Variants in RNLS observed in about 807,000 individuals in gnomAD.
RNLS encodes renalase, FAD dependent amine oxidase, also known as renalase.
RNLS carries 39 observed loss-of-function variants against 39.8 expected under a neutral mutation model. That is an observed-to-expected ratio of 0.98 (90% CI 0.76 to 1.28). The LOEUF (loss-of-function observed/expected upper bound fraction) is 1.28. RNLS is among the 50% of genes most tolerant of loss of function. The probability of loss-of-function intolerance (pLI) is 0.00; values close to 1 mark genes in which losing one functional copy is unlikely to be tolerated. For missense variants in RNLS, 410 were observed against 413.3 expected (o/e 0.99, Z 0.07); for synonymous variants, 147 against 150.7 (o/e 0.98, Z 0.18).
chr10:88,546,774 A>G (rs1413762191), intron 4 of RNLS, among the ~76,000 whole-genome samples: 1 of 152,216 alleles, frequency 6.6e-6, no homozygotes, highest in Non-Finnish European at 1.5e-5. Flanking sequence ...AATCTTTGCC[A>G]ACTAGCCATA....
At chr10:88,521,434 T>C (rs1031544326) in intron 4 of RNLS, among the ~76,000 whole-genome samples, 1 of 152,038 alleles carries the variant, frequency 6.6e-6, no homozygotes, top group African/African-American at 2.4e-5. Flanking sequence ...ACTGCAGGTT[T>C]TAGATCAGGG....
chr10:88,572,527 G>T (rs1408298935), intron 4 of RNLS, among the ~76,000 whole-genome samples: 1 of 152,112 alleles, frequency 6.6e-6, no homozygotes, highest in African/African-American at 2.4e-5. Context: ...CAATTAGAGA[G>T]CAACCCAGAG....
At chr10:88,548,290 AAAAG>A (rs1319825266) in intron 4 of RNLS, among the ~76,000 whole-genome samples, 12 of 127,826 alleles carry the variant, frequency 9.4e-5, no homozygotes, top group Non-Finnish European at 1.8e-4. Context: ...AAAAAAAAAA[AAAAG>A]AAAAGAAAAA....
At chr10:88,302,604 G>A (rs1342253700) in intron 6 of RNLS, among the ~76,000 whole-genome samples, 1 of 152,148 alleles carries the variant, frequency 6.6e-6, no homozygotes, top group Admixed American at 6.5e-5. Context: ...ACAAATGACT[G>A]TGGTTTTAAA....
Position 88,285,522 on chromosome 10 carries a change from G to T in RNLS, c.877-16C>A, listed in dbSNP as rs768804848. Reference sequence around the variant, plus strand: ...CATTTGTAACCTGAAAAAGTAAAAAGAGGATTGCAATTGACATTCTGTGCT... The same window carrying T: ...CATTTGTAACCTGAAAAAGTAAAAATAGGATTGCAATTGACATTCTGTGCT... On this transcript the variant is annotated splice_polypyrimidine_tract_variant and intron_variant, in intron 6 of 6. Coordinates refer to ENST00000331772, the MANE Select transcript of RNLS (RefSeq NM_001031709.3). The T allele has an allele frequency of 1.2e-6, 2 of 1,609,954 alleles. No individual in the cohort carries two copies. Among genetic ancestry groups the T allele is most frequent in the Non-Finnish European group, 1.7e-6 (2 of 1,176,794 alleles).
intron 4 of RNLS, among the ~76,000 whole-genome samples, chr10:88,448,376 G>A (rs1842168273): frequency 6.6e-6 from 1 of 152,174 alleles, no homozygotes; most frequent in Non-Finnish European, 1.5e-5. Flanking sequence ...AGACATTTAT[G>A]CAGCCAACAG....
rs115300440 is a variant in RNLS, at chr10:88,309,643, G to A, written c.876+4823C>T. On this transcript the variant is annotated intron_variant, in intron 6 of 6. Coordinates refer to ENST00000331772, the MANE Select transcript of RNLS (RefSeq NM_001031709.3). ...AAAGGGCAAAGACTTCCTTGTTTAA[G>A]AGGTGGGAGGGGAATAAAAGGATAG... Among the ~76,000 whole-genome samples, 343 of 152,316 alleles carry A rather than the reference G, an allele frequency of 2.3e-3. 4 individuals are homozygous for A. The highest frequency in any genetic ancestry group is 0.01 in the Middle Eastern group (3 of 294).
intron 4 of RNLS, among the ~76,000 whole-genome samples, chr10:88,504,452 A>G (rs1436109372): frequency 6.6e-6 from 1 of 152,136 alleles, no homozygotes; most frequent in Non-Finnish European, 1.5e-5. Flanking sequence ...ACTTTTATCA[A>G]AAATAAGCAC....
At chr10:88,368,071 T>A (rs778033823) in intron 4 of RNLS, among the ~76,000 whole-genome samples, 5 of 151,986 alleles carry the variant, frequency 3.3e-5, no homozygotes, top group Non-Finnish European at 5.9e-5. Context: ...GCCAATAGCC[T>A]ACTTCAAGAT....
At chr10:88,531,224 T>G (rs182889415) in intron 4 of RNLS, among the ~76,000 whole-genome samples, 7 of 152,072 alleles carry the variant, frequency 4.6e-5, no homozygotes, top group Admixed American at 2.0e-4. Flanking sequence ...GAGGTCAGCC[T>G]TGCTTTATCA....
At chr10:88,535,205 T>A (rs947437273) in intron 4 of RNLS, among the ~76,000 whole-genome samples, 2 of 152,124 alleles carry the variant, frequency 1.3e-5, no homozygotes, top group African/African-American at 4.8e-5. Context: ...GTAAGTATTG[T>A]TATTTTCCCA....
chr10:88,422,737 T>C (rs754988983), intron 4 of RNLS, among the ~76,000 whole-genome samples: 2 of 151,824 alleles, frequency 1.3e-5, no homozygotes, highest in Non-Finnish European at 2.9e-5. Context: ...TATATAGTTA[T>C]TGCCATTTTT....
At chr10:88,507,110 T>C (rs1845837776) in intron 4 of RNLS, among the ~76,000 whole-genome samples, 1 of 152,172 alleles carries the variant, frequency 6.6e-6, no homozygotes, top group East Asian at 1.9e-4. Flanking sequence ...GTTAAATTAC[T>C]GCTATGAAAA....
chr10:88,302,279 A>G (rs749445707), intron 6 of RNLS, among the ~76,000 whole-genome samples: 3 of 152,244 alleles, frequency 2.0e-5, no homozygotes, highest in Non-Finnish European at 2.9e-5. Flanking sequence ...AGGAATAGTG[A>G]CAGAATAACC....
At chr10:88,295,777 C>T (rs868466370) in intron 6 of RNLS, among the ~76,000 whole-genome samples, 35 of 152,196 alleles carry the variant, frequency 2.3e-4, no homozygotes, top group African/African-American at 6.5e-4. Flanking sequence ...CTTTAGTGGG[C>T]TCAAACTGCA....
At chr10:88,327,843 T>C (rs541766584) in intron 5 of RNLS, among the ~76,000 whole-genome samples, 29 of 152,302 alleles carry the variant, frequency 1.9e-4, no homozygotes, top group African/African-American at 7.0e-4. Flanking sequence ...GCTCAGGCAA[T>C]CTGCCCGCCT....
At chr10:88,172,880 G>T in the RNLS span, among the ~76,000 whole-genome samples, 2 of 17,044 alleles carry the variant, frequency 1.2e-4, no homozygotes, top group Non-Finnish European at 1.5e-4. Flanking sequence ...TTTTTTAGAT[G>T]GAGTCTCGCT....
intron 4 of RNLS, among the ~76,000 whole-genome samples, chr10:88,473,828 T>A (rs1178714836): frequency 6.6e-6 from 1 of 152,096 alleles, no homozygotes; most frequent in East Asian, 1.9e-4. Flanking sequence ...AAAAGCCATA[T>A]ATATATATTT....
chr10:88,314,399 AG>A, intron 6 of RNLS, 66 bp downstream of exon 6: 3 of 1,503,778 alleles, frequency 2.0e-6, no homozygotes, highest in Non-Finnish European at 2.7e-6. Flanking sequence ...AGGATAAAGA[AG>A]TAACATCAGT....
Sources: gnomAD v4.1 joint callset for allele counts (sites outside exome capture counted in the v4.1 genomes callset) on GRCh38, gnomAD v4.1.1 for gene constraint, MANE v1.5 for transcripts, NCBI Gene and HGNC (gene_info 2026-07-23, HGNC 2026-07-21) for gene names.